Variants in TYMS observed in about 807,000 individuals in gnomAD.
The protein encoded by TYMS is thymidylate synthase.
A neutral mutation model predicts 39.3 loss-of-function variants in TYMS; 21 were observed. The ratio of observed to expected loss-of-function variants is 0.54; its 90% CI spans 0.38 to 0.77. The LOEUF (loss-of-function observed/expected upper bound fraction) is 0.77, where lower values mean the gene tolerates loss of function less well. TYMS is among the 30% of genes least tolerant of loss of function. The pLI is 0.00. For missense variants in TYMS, 273 were observed against 406.7 expected (o/e 0.67, Z 2.83); for synonymous variants, 171 against 162.2 (o/e 1.05, Z -0.41).
At chr18:665,769 T>C (rs2074806228) in intron 3 of TYMS, among the ~76,000 whole-genome samples, 1 of 98,058 alleles carries the variant, frequency 1.0e-5, no homozygotes, top group South Asian at 3.3e-4. Context: ...CATTTCGTTA[T>C]GTACCCAGTA....
At chr18:662,482 C>G (rs1223501794) in intron 3 of TYMS, among the ~76,000 whole-genome samples, 162 bp downstream of exon 3, 2 of 150,046 alleles carry the variant, frequency 1.3e-5, no homozygotes, top group Non-Finnish European at 3.0e-5. Context: ...ACAATTAAGC[C>G]TCATGAAGGC....
intron 4 of TYMS, 127 bp from the exon 5 acceptor site, chr18:670,565 C>A: frequency 2.1e-6 from 2 of 973,814 alleles, no homozygotes; most frequent in Non-Finnish European, 3.1e-6. Flanking sequence ...ATCACTGCAG[C>A]CCAGTGGCTC....
rs1025547833 is a variant in TYMS, at chr18:673,203, C to T, written c.*206C>T. The T allele has an allele frequency of 1.8e-5, 8 of 448,404 alleles. No individual in the cohort carries two copies. The highest frequency in any genetic ancestry group is 2.7e-5 in the Non-Finnish European group (7 of 259,446). The allele number at this position is 448,404 out of a possible 1,614,324, so 27.8% of individuals were successfully genotyped here. ...CATAATAAAAGGCTTTGAGTTAACT[C>T]ACTGAGGGTATCTGACAATGCTGAG... On this transcript the variant is annotated 3_prime_UTR_variant, in exon 7 of 7. Transcript: ENST00000323274.
chr18:657,940 C>G lies in TYMS; in HGVS notation c.198C>G (p.Ser66Arg). Residue 66 changes from serine (S) to arginine (R), a missense_variant, in exon 1 of 7, where the codon AGC (serine) becomes AGG (arginine). Ser to Arg is a moderately radical substitution (Grantham distance 110, BLOSUM62 -1). Around this residue, in one of 3 missense-constraint regions of TYMS, gnomAD observed 228 missense variants for 326.1 expected, o/e 0.70. Transcript: ENST00000323274. ...LSVFGMQARY[S>R]LRDEFPLLTT... ...TATTCGGCATGCAGGCGCGCTACAG[C>G]CTGAGAGGTGACGCCGCGGGCCCCT... The G allele has an allele frequency of 6.6e-7, 1 of 1,511,764 alleles. No homozygotes were observed. Among genetic ancestry groups the G allele is most frequent in the Non-Finnish European group, 8.8e-7 (1 of 1,135,186 alleles). 93.6% of individuals were successfully genotyped at this position (1,511,764 alleles called of 1,614,324 possible). A position where few individuals can be genotyped will look rare whatever the true frequency, so the allele number is the denominator to read the frequency against.
At chr18:662,081 G>T in intron 2 of TYMS, 65 bp from the exon 3 acceptor site, 1 of 1,513,920 alleles carries the variant, frequency 6.6e-7, no homozygotes. Context: ...GGTGTCTCGG[G>T]GGGATCAACT....
intron 1 of TYMS, 123 bp from the exon 2 acceptor site, chr18:659,518 G>C (rs1224232660): frequency 8.9e-6 from 7 of 784,774 alleles, no homozygotes; most frequent in Admixed American, 7.9e-5. Flanking sequence ...CCCACTTTGC[G>C]GGAGTCTAGG....
Position 669,110 on chromosome 18 carries a change from A to G in TYMS, c.493A>G (p.Ile165Val). The G allele has an allele frequency of 6.2e-7, 1 of 1,614,236 alleles. No homozygotes were observed. Among genetic ancestry groups the G allele is most frequent in the Non-Finnish European group, 8.5e-7 (1 of 1,180,042 alleles). Reference protein sequence around the residue: ...GQGVDQLQRVIDTIKTNPDDR... With the variant: ...GQGVDQLQRVVDTIKTNPDDR... Reference sequence around the variant, plus strand: ...GGGAGTTGACCAACTGCAAAGAGTGATTGACACCATCAAAACCAACCCTGA... The same window carrying G: ...GGGAGTTGACCAACTGCAAAGAGTGGTTGACACCATCAAAACCAACCCTGA... The change falls in exon 4 of 7, where the codon ATT (isoleucine) becomes GTT (valine). Residue 165 changes from isoleucine (I) to valine (V), a missense_variant. Ile to Val is a conservative substitution (Grantham distance 29). Coordinates refer to ENST00000323274, the MANE Select transcript of TYMS (RefSeq NM_001071.4).
At position 658,807 on chromosome 18, in the gene TYMS, A is replaced by G. The variant is rs941917874; in HGVS notation, c.206-834A>G. 3 of 170,632 alleles carry G rather than the reference A, an allele frequency of 1.8e-5. No homozygotes were observed. Among genetic ancestry groups the G allele is most frequent in the Non-Finnish European group, 3.7e-5 (3 of 80,748 alleles). 10.6% of individuals were successfully genotyped at this position (170,632 alleles called of 1,614,324 possible). ...GATAAATGGAGCGCAGCCTTGACACAGGGGTGGAGGTGGTTTTGAATGGGG... is the reference window on the plus strand; with the variant it reads ...GATAAATGGAGCGCAGCCTTGACACGGGGGTGGAGGTGGTTTTGAATGGGG... On this transcript the variant is annotated intron_variant, in intron 1 of 6. Coordinates refer to ENST00000323274, the MANE Select transcript of TYMS (RefSeq NM_001071.4). The surrounding 1 kb of genome is among the most constrained non-coding windows in gnomAD (Gnocchi z 4.5).
chr18:672,266 T>G (rs1331096333), intron 6 of TYMS: 2 of 152,268 alleles, frequency 1.3e-5, no homozygotes, highest in Non-Finnish European at 2.9e-5. Flanking sequence ...CCTTCCAGGT[T>G]AGATCCAGGT....
intron 3 of TYMS, among the ~76,000 whole-genome samples, chr18:667,292 A>T (rs111211210): frequency 8.6e-4 from 15 of 17,464 alleles, no homozygotes; most frequent in Non-Finnish European, 1.2e-3. Flanking sequence ...ATGGTGATGG[A>T]GATGGTGATG....
At chr18:670,481 A>T in intron 4 of TYMS, 1 of 558,152 alleles carries the variant, frequency 1.8e-6, no homozygotes, top group South Asian at 2.4e-5. Context: ...CCGTAAATGG[A>T]CACCTGCAGA....
intron 3 of TYMS, among the ~76,000 whole-genome samples, chr18:666,230 T>C (rs2074813039): frequency 6.6e-6 from 1 of 151,452 alleles, no homozygotes; most frequent in Non-Finnish European, 1.5e-5. Context: ...GATAGCTGCA[T>C]GGTTGGTGTT....
At chr18:671,686 G>A (rs905211477) in intron 6 of TYMS, 1 of 532,550 alleles carries the variant, frequency 1.9e-6, no homozygotes, top group South Asian at 2.5e-5. Flanking sequence ...CAGTACCAGA[G>A]AGGGAAGAGC....
intron 3 of TYMS, among the ~76,000 whole-genome samples, chr18:666,992 GT>G (rs1299721287): frequency 2.5e-4 from 2 of 7,986 alleles, no homozygotes; most frequent in Non-Finnish European, 6.5e-4. Flanking sequence ...GATGGTGATG[GT>G]GATGGAGATG....
chr18:659,787 T>C, intron 2 of TYMS, 73 bp downstream of exon 2: 2 of 1,357,608 alleles, frequency 1.5e-6, no homozygotes, highest in Non-Finnish European at 2.1e-6. Flanking sequence ...CTTTCAAAAC[T>C]CAAAGCAGCC....
chr18:669,366 A>ATTTT (rs68090938), intron 4 of TYMS, 193 bp downstream of exon 4: 11,495 of 191,668 alleles, frequency 0.06, 623 homozygotes, highest in African/African-American at 0.088. Context: ...GGCCCAGAGG[A>ATTTT]TTTTTTTTTT....
chr18:669,368 T>C, intron 4 of TYMS, 195 bp downstream of exon 4: 1 of 122,968 alleles, frequency 8.1e-6, no homozygotes, highest in Non-Finnish European at 1.4e-5. Context: ...CCCAGAGGAT[T>C]TTTTTTTTTT....
rs1369690699 is a variant in TYMS, at chr18:670,820, A to G, written c.685A>G (p.Ser229Gly). The change falls in exon 5 of 7, where the codon AGC becomes GGC. Residue 229 changes from serine to glycine, a missense_variant. By Grantham distance (56) the Ser-to-Gly change is moderately conservative (BLOSUM62 0). This residue lies in a region of TYMS where 228 missense variants were observed against 326.1 expected (regional missense o/e 0.70). Transcript: ENST00000323274. The part of the protein sequence containing the change: ...MGLGVPFNIA[S>G]YALLTYMIAH... Reference sequence around the variant, plus strand: ...CCTCGGTGTGCCTTTCAACATCGCCAGCTACGCCCTGCTCACGTACATGAT... The same window carrying G: ...CCTCGGTGTGCCTTTCAACATCGCCGGCTACGCCCTGCTCACGTACATGAT... 2 of 1,613,926 alleles carry G rather than the reference A, an allele frequency of 1.2e-6. No homozygotes were observed. The highest frequency in any genetic ancestry group is 1.3e-5 in the African/African-American group (1 of 74,862).
chr18:669,918 C>T (rs555599736), intron 4 of TYMS, among the ~76,000 whole-genome samples: 16 of 151,764 alleles, frequency 1.1e-4, no homozygotes, highest in Admixed American at 4.0e-4. Flanking sequence ...GTCATGATCA[C>T]GCCATTGCAC....
Sources: gnomAD v4.1 joint callset for allele counts (sites outside exome capture counted in the v4.1 genomes callset) on GRCh38, gnomAD v4.1.1 for gene constraint, gnomAD v4.1.1 regional missense constraint, Gnocchi (gnomAD v3.1) non-coding constraint, MANE v1.5 for transcripts, NCBI Gene and HGNC (gene_info 2026-07-23, HGNC 2026-07-21) for gene names.